PON1: variants seen among roughly 807,000 people sequenced by gnomAD.
PON1 encodes the protein paraoxonase 1.
In PON1, 37 loss-of-function variants were observed where a neutral mutation model predicts 39.2. The ratio of observed to expected loss-of-function variants is 0.94; its 90% confidence interval spans 0.73 to 1.24. PON1 has a LOEUF of 1.24. PON1 is among the 50% of genes most tolerant of loss of function. The pLI, the probability that PON1 is intolerant of heterozygous loss-of-function variation, is 0.00. For missense variants in PON1, 397 were observed against 413.5 expected (o/e 0.96, Z 0.35); for synonymous variants, 148 against 152.2 (o/e 0.97, Z 0.21).
chr7:95,312,550 A>T (rs1052683322), intron 4 of PON1, among the ~76,000 whole-genome samples: 1 of 152,268 alleles, frequency 6.6e-6, no homozygotes, highest in Non-Finnish European at 1.5e-5. Context: ...ATAAAAGAAT[A>T]GAGAGTAACG....
At chr7:95,302,437 C>A in intron 7 of PON1, 104 bp from the exon 8 acceptor site, 1 of 963,732 alleles carries the variant, frequency 1.0e-6, no homozygotes, top group Non-Finnish European at 1.6e-6. Flanking sequence ...TTGGTCACCA[C>A]GCTGCTGCTT....
At chr7:95,319,351 G>C (rs1563600877) in intron 1 of PON1, among the ~76,000 whole-genome samples, 3 of 152,160 alleles carry the variant, frequency 2.0e-5, no homozygotes, top group Non-Finnish European at 2.9e-5. Context: ...AGGAATTTGG[G>C]GGTGATTGAT....
intron 4 of PON1, 108 bp downstream of exon 4, chr7:95,315,212 TTC>T: frequency 9.8e-7 from 1 of 1,025,284 alleles, no homozygotes. Flanking sequence ...AAGAACATTA[TTC>T]ATGACTATGC....
intron 4 of PON1, among the ~76,000 whole-genome samples, chr7:95,313,562 A>G (rs997711668): frequency 6.6e-6 from 1 of 152,000 alleles, no homozygotes; most frequent in African/African-American, 2.4e-5. Flanking sequence ...AATAAAACAT[A>G]ATGGTGATGA....
intron 1 of PON1, among the ~76,000 whole-genome samples, chr7:95,322,535 G>A (rs960801871): frequency 2.0e-5 from 3 of 152,130 alleles, no homozygotes; most frequent in Non-Finnish European, 4.4e-5. Flanking sequence ...CCTACAGTAA[G>A]CATGGAATGG....
intron 1 of PON1, among the ~76,000 whole-genome samples, chr7:95,319,619 T>C (rs1233806280): frequency 6.6e-6 from 1 of 152,156 alleles, no homozygotes; most frequent in Non-Finnish European, 1.5e-5. Flanking sequence ...GATTGATAGA[T>C]GTGAACTTAG....
At chr7:95,313,889 A>G (rs769872427) in intron 4 of PON1, among the ~76,000 whole-genome samples, 47 of 152,146 alleles carry the variant, frequency 3.1e-4, no homozygotes, top group Non-Finnish European at 5.4e-4. Context: ...TAGAGAAAAT[A>G]TAGAGGAAGT....
At chr7:95,323,642 CCA>C (rs1294083419) in intron 1 of PON1, among the ~76,000 whole-genome samples, 7 of 152,022 alleles carry the variant, frequency 4.6e-5, no homozygotes, top group Non-Finnish European at 8.8e-5. Context: ...TAAAATATCC[CCA>C]CCCCCCTTGT....
intron 1 of PON1, among the ~76,000 whole-genome samples, chr7:95,320,424 C>T (rs1270504097): frequency 6.6e-6 from 1 of 152,168 alleles, no homozygotes; most frequent in African/African-American, 2.4e-5. Context: ...GATTTGGGTT[C>T]CAATTTGTGG....
intron 2 of PON1, 91 bp from the exon 3 acceptor site, chr7:95,316,880 G>C (rs1807780808): frequency 4.4e-6 from 4 of 908,306 alleles, no homozygotes; most frequent in Non-Finnish European, 7.5e-6. Context: ...TGAAACTGGG[G>C]CTATACATCA....
intron 5 of PON1, among the ~76,000 whole-genome samples, chr7:95,308,475 CGTGTGTG>C (rs1248731504): frequency 1.1e-4 from 16 of 147,078 alleles, no homozygotes; most frequent in Non-Finnish European, 2.4e-4. Context: ...AGTGTTACGT[CGTGTGTG>C]TGTGTGTGTG....
At chr7:95,305,886 CA>C (rs3917549) in intron 7 of PON1, among the ~76,000 whole-genome samples, 45,241 of 151,678 alleles carry the variant, frequency 0.3, 8,559 homozygotes, top group African/African-American at 0.53. Context: ...GCATAAAGTA[CA>C]ATTTGAGGCT....
intron 4 of PON1, 33 bp downstream of exon 4, chr7:95,315,289 G>A: frequency 6.3e-7 from 1 of 1,578,798 alleles, no homozygotes; most frequent in Non-Finnish European, 8.7e-7. Flanking sequence ...TTTAAGTTTG[G>A]TTTTGGTTTT....
At chr7:95,316,534 G>A (rs989440855) in intron 3 of PON1, among the ~76,000 whole-genome samples, 200 bp downstream of exon 3, 3 of 152,244 alleles carry the variant, frequency 2.0e-5, no homozygotes, top group South Asian at 2.1e-4. Flanking sequence ...AATGTAGACC[G>A]AAGAACACAA....
At chr7:95,315,590 C>T (rs1807750856) in intron 3 of PON1, 100 bp from the exon 4 acceptor site, 3 of 1,261,412 alleles carry the variant, frequency 2.4e-6, no homozygotes, top group South Asian at 2.4e-5. Flanking sequence ...CTGCTCCAAA[C>T]CACAGGGCTA....
chr7:95,314,652 G>C (rs1807726434), intron 4 of PON1, among the ~76,000 whole-genome samples: 2 of 152,138 alleles, frequency 1.3e-5, no homozygotes, highest in African/African-American at 4.8e-5. Flanking sequence ...GCCTCCCTCA[G>C]ACTAACGGAA....
chr7:95,306,288 C>T lies in PON1; in HGVS notation c.777G>A (p.Leu259=), dbSNP rs1331726313. The T allele has an allele frequency of 6.2e-7, 1 of 1,603,312 alleles. No individual in the cohort carries two copies. Among genetic ancestry groups the T allele is most frequent in the East Asian group, 2.2e-5 (1 of 44,798 alleles). The part of the protein sequence containing the change: ...EKHANWTLTP[L]KSLDFNTLVD... ...TTACAGTGTTAATACGTCTTACCTTCAATGGAGTTAAAGTCCAATTAGCAT... is the reference window on the plus strand; with the variant it reads ...TTACAGTGTTAATACGTCTTACCTTTAATGGAGTTAAAGTCCAATTAGCAT... Residue 259 remains leucine, a synonymous_variant, in exon 7 of 9, where the codon TTG becomes TTA. Transcript: ENST00000222381.
intron 1 of PON1, 81 bp downstream of exon 1, chr7:95,324,321 G>C (rs1298077608): frequency 1.5e-6 from 2 of 1,336,326 alleles, no homozygotes; most frequent in Admixed American, 1.7e-5. Context: ...TAACAGCCTG[G>C]ACCCAACTTT....
intron 6 of PON1, among the ~76,000 whole-genome samples, chr7:95,307,640 G>T (rs1465067022): frequency 1.3e-5 from 2 of 151,942 alleles, no homozygotes; most frequent in African/African-American, 4.8e-5. Flanking sequence ...TTACATTTTG[G>T]TACAAATTCC....
Sources: gnomAD v4.1 joint callset for allele counts (sites outside exome capture counted in the v4.1 genomes callset) on GRCh38, gnomAD v4.1.1 for gene constraint, MANE v1.5 for transcripts, NCBI Gene and HGNC (gene_info 2026-07-23, HGNC 2026-07-21) for gene names.